The following PTPRK variants were observed in gnomAD, a reference collection of about 807,000 sequenced individuals.
PTPRK encodes protein tyrosine phosphatase receptor type K.
Under a neutral mutation model 178.0 loss-of-function variants are expected in PTPRK, and 75 were observed. The ratio of observed to expected loss-of-function variants is 0.42; its 90% CI spans 0.35 to 0.51. The LOEUF (loss-of-function observed/expected upper bound fraction) is 0.51. Ranked by LOEUF, PTPRK falls within the 20% of genes least tolerant of loss-of-function variation. The probability of loss-of-function intolerance (pLI) is 0.02; values close to 1 mark genes in which losing one functional copy is unlikely to be tolerated. For synonymous variants in PTPRK, 637 were observed against 620.6 expected (o/e 1.03, Z -0.39); for missense variants, 1,441 against 1,797.8 (o/e 0.80, Z 3.59).
chr6:128,497,629 T>C (rs1854881538), intron 1 of PTPRK, among the ~76,000 whole-genome samples: 1 of 152,148 alleles, frequency 6.6e-6, no homozygotes, highest in Non-Finnish European at 1.5e-5. Context: ...TCATCCTATT[T>C]CCCCTCTTTT....
intron 3 of PTPRK, among the ~76,000 whole-genome samples, chr6:128,268,205 T>C (rs1819250407): frequency 6.6e-6 from 1 of 151,896 alleles, no homozygotes; most frequent in South Asian, 2.1e-4. Flanking sequence ...GCCCTAGAGG[T>C]GTGTGATTAT....
chr6:128,237,707 T>C (rs770650824), intron 5 of PTPRK, among the ~76,000 whole-genome samples: 2 of 152,206 alleles, frequency 1.3e-5, no homozygotes, highest in Non-Finnish European at 2.9e-5. Flanking sequence ...AAGTTAGAAT[T>C]CAGAACTGAG....
chr6:128,133,050 T>A (rs1159212531), intron 7 of PTPRK, among the ~76,000 whole-genome samples: 1 of 152,142 alleles, frequency 6.6e-6, no homozygotes, highest in African/African-American at 2.4e-5. Context: ...AATTCCACCA[T>A]AAAAAAGATA....
At chr6:128,316,202 G>T (rs1023225393) in intron 3 of PTPRK, among the ~76,000 whole-genome samples, 1 of 152,084 alleles carries the variant, frequency 6.6e-6, no homozygotes, top group Non-Finnish European at 1.5e-5. Flanking sequence ...TATTTTTTCA[G>T]ATTCAGCAAA....
chr6:128,134,626 T>C (rs1794743666), intron 7 of PTPRK, among the ~76,000 whole-genome samples: 1 of 152,014 alleles, frequency 6.6e-6, no homozygotes, highest in African/African-American at 2.4e-5. Context: ...GCCTGGGCGA[T>C]GTGACAAAAT....
chr6:128,064,668 A>G (rs996649901), intron 13 of PTPRK, 90 bp downstream of exon 13: 10 of 1,480,010 alleles, frequency 6.8e-6, no homozygotes, highest in Non-Finnish European at 9.0e-6. Context: ...CAGAAATGTC[A>G]TATTTAGCCC....
chr6:128,445,507 TGC>T, intron 1 of PTPRK, among the ~76,000 whole-genome samples: 1 of 150,176 alleles, frequency 6.7e-6, no homozygotes, highest in African/African-American at 2.4e-5. Context: ...AGTATATATA[TGC>T]TTACATATAA....
intron 2 of PTPRK, among the ~76,000 whole-genome samples, chr6:128,341,346 GCATT>G (rs1189315692): frequency 6.6e-6 from 1 of 152,034 alleles, no homozygotes; most frequent in Non-Finnish European, 1.5e-5. Flanking sequence ...AGATAATTCT[GCATT>G]CACATTGTAG....
intron 13 of PTPRK, among the ~76,000 whole-genome samples, chr6:128,030,751 C>CT (rs1386935960): frequency 6.6e-6 from 1 of 152,092 alleles, no homozygotes; most frequent in Non-Finnish European, 1.5e-5. Flanking sequence ...ATCAGGCTTG[C>CT]TTTTTTTCCC....
chr6:128,519,878 A>G lies in PTPRK; in HGVS notation c.100+381T>C, dbSNP rs926351499. Among the ~76,000 whole-genome samples, 4 of 152,180 alleles carry G rather than the reference A, an allele frequency of 2.6e-5. No individual in the cohort carries two copies. Among genetic ancestry groups the G allele is most frequent in the Non-Finnish European group, 5.9e-5 (4 of 68,040 alleles). On this transcript the variant is annotated intron_variant, in intron 1 of 29. Transcript: ENST00000368226. The surrounding 1 kb of genome is among the most constrained non-coding windows in gnomAD (Gnocchi z 4.3). ...CAATGGCTTCCCAGGGAATTTGTTT[A>G]AACACCCAAGTGGCAGACAGCAACA...
intron 1 of PTPRK, among the ~76,000 whole-genome samples, chr6:128,432,042 C>A (rs1028673208): frequency 6.6e-6 from 1 of 152,048 alleles, no homozygotes; most frequent in African/African-American, 2.4e-5. Flanking sequence ...AGAGAAAAAG[C>A]ACGGTTGAAA....
intron 6 of PTPRK, among the ~76,000 whole-genome samples, chr6:128,186,440 G>A (rs1302727274): frequency 1.3e-5 from 2 of 152,032 alleles, no homozygotes; most frequent in Admixed American, 6.6e-5. Flanking sequence ...GATAACATAT[G>A]CTATATGAAG....
chr6:128,326,729 G>A (rs7744436), intron 2 of PTPRK, among the ~76,000 whole-genome samples: 7,609 of 151,924 alleles, frequency 0.05, 437 homozygotes, highest in East Asian at 0.33. Flanking sequence ...AAATCTTAAC[G>A]GTATATTATC....
rs1190379333 is a variant in PTPRK at position 128,353,771 on chromosome 6, CA to C, written c.224-31462del. Among the ~76,000 whole-genome samples, 3 of 151,678 alleles carry C rather than the reference CA, an allele frequency of 2.0e-5. No homozygotes were observed. In the East Asian group the frequency reaches 5.8e-4, roughly 29 times the overall value. On this transcript the variant is annotated intron_variant, in intron 2 of 29. Coordinates refer to ENST00000368226, the MANE Select transcript of PTPRK (RefSeq NM_002844.4). ...GTAGCCCAAGGGATCCTTCAGGTGACAAAAAAAATTCTGTTATATATCTTGA... is the reference window on the plus strand; with the variant it reads ...GTAGCCCAAGGGATCCTTCAGGTGACAAAAAAATTCTGTTATATATCTTGA...
intron 7 of PTPRK, among the ~76,000 whole-genome samples, chr6:128,111,802 T>C (rs1790713813): frequency 6.6e-6 from 1 of 152,052 alleles, no homozygotes; most frequent in Non-Finnish European, 1.5e-5. Flanking sequence ...GTGATATGGG[T>C]ATGGATCTCG....
At chr6:128,067,461 A>C in intron 12 of PTPRK, 58 bp downstream of exon 12, 1 of 1,444,372 alleles carries the variant, frequency 6.9e-7, no homozygotes, top group Admixed American at 2.3e-5. Context: ...GTATTCATAA[A>C]ATTTGACTTC....
intron 5 of PTPRK, among the ~76,000 whole-genome samples, chr6:128,239,078 T>TAA (rs144377254): frequency 0.09 from 13,051 of 144,554 alleles, 1,278 homozygotes; most frequent in East Asian, 0.34. Flanking sequence ...AAGGATGTAG[T>TAA]AAAAAAAAAA....
At chr6:128,456,961 C>T (rs1848471263) in intron 1 of PTPRK, among the ~76,000 whole-genome samples, 2 of 152,066 alleles carry the variant, frequency 1.3e-5, no homozygotes, top group Non-Finnish European at 2.9e-5. Context: ...TCAATAACAG[C>T]TCCCAACCCA....
intron 1 of PTPRK, among the ~76,000 whole-genome samples, chr6:128,411,503 A>C (rs896026920): frequency 6.6e-6 from 1 of 152,210 alleles, no homozygotes; most frequent in African/African-American, 2.4e-5. Flanking sequence ...TTCAATGATC[A>C]AATCTATTCT....
Sources: allele counts gnomAD v4.1 joint callset (sites outside exome capture counted in the v4.1 genomes callset), GRCh38; gene constraint gnomAD v4.1.1; non-coding constraint Gnocchi (gnomAD v3.1); transcripts MANE v1.5; gene names NCBI Gene and HGNC (gene_info 2026-07-23, HGNC 2026-07-21).